The following DOK4 variants were observed in gnomAD, a reference collection of about 807,000 sequenced individuals.
DOK4 encodes docking protein 4.
DOK4 carries 26 observed loss-of-function variants against 40.1 expected under a neutral mutation model. The ratio of observed to expected loss-of-function variants is 0.65; its 90% confidence interval spans 0.48 to 0.90. The LOEUF is 0.90. Among genes scored for constraint, DOK4 ranks in the 40% least tolerant of loss-of-function variants. DOK4 has a pLI of 0.00. For synonymous variants in DOK4, 179 were observed against 177.0 expected (o/e 1.01, Z -0.09); for missense variants, 392 against 437.2 (o/e 0.90, Z 0.92).
rs770995980 is a variant in DOK4 at position 57,475,093 on chromosome 16, G to T, written c.409+7C>A. ...TCCCCACCCCCAGGGCCAGGGCCCG[G>T]CCTCACCTGTCTGTTCACACTGCAC... On this transcript the variant is annotated splice_region_variant and intron_variant, in intron 5 of 8. Transcript: ENST00000340099. 2 of 1,612,752 alleles carry T rather than the reference G, an allele frequency of 1.2e-6. No homozygotes were observed. The highest frequency in any genetic ancestry group is 2.7e-5 in the African/African-American group (2 of 74,748).
intron 1 of DOK4, among the ~76,000 whole-genome samples, chr16:57,484,857 C>T (rs2031504584): frequency 1.3e-5 from 2 of 152,250 alleles, no homozygotes; most frequent in South Asian, 4.1e-4. Context: ...CTTGTTCTTA[C>T]ATCTGTCCAT....
intron 6 of DOK4, 90 bp downstream of exon 6, chr16:57,474,703 C>T: frequency 6.7e-7 from 1 of 1,490,360 alleles, no homozygotes; most frequent in Non-Finnish European, 9.1e-7. Flanking sequence ...AATAAGTAAA[C>T]CAAGCTCCTA....
intron 2 of DOK4, among the ~76,000 whole-genome samples, chr16:57,477,340 C>A (rs2031225803): frequency 6.6e-6 from 1 of 152,250 alleles, no homozygotes; most frequent in African/African-American, 2.4e-5. Context: ...CCCACCTAAA[C>A]CACAGCAGCC....
chr16:57,475,263 G>C (rs2031097503), intron 4 of DOK4, 44 bp from the exon 5 acceptor site: 1 of 1,592,134 alleles, frequency 6.3e-7, no homozygotes, highest in African/African-American at 1.3e-5. Flanking sequence ...GAGCCCGGTA[G>C]CCCACCCCGT....
intron 1 of DOK4, among the ~76,000 whole-genome samples, chr16:57,482,442 T>G (rs1020133455): frequency 7.3e-6 from 1 of 136,624 alleles, no homozygotes; most frequent in Non-Finnish European, 1.6e-5. Flanking sequence ...TCTCGGCTCA[T>G]TGCAAGCTCC....
rs749513705 is a variant in DOK4 at position 57,479,426 on chromosome 16, G to C, written c.66+16C>G. The stretch of plus-strand genomic sequence containing the variant: ...CATCCCTTGGCAGGGCCCCTCCGCA[G>C]CTCAGGGTCACTCACCCCGAGCTTC... On this transcript the variant is annotated intron_variant, in intron 2 of 8. Transcript: ENST00000340099. The surrounding 1 kb of genome is among the most constrained non-coding windows in gnomAD (Gnocchi z 5.8). 6.2e-7 allele frequency: 1 copy of C among 1,613,084 alleles called. No homozygotes were observed. Among genetic ancestry groups the C allele is most frequent in the Non-Finnish European group, 8.5e-7 (1 of 1,179,788 alleles).
rs770696453 is a variant in DOK4, at chr16:57,485,632, G to A, written c.-182+673C>T. Among the ~76,000 whole-genome samples the A allele has an allele frequency of 1.8e-4, 27 of 152,210 alleles. No homozygotes were observed. The highest frequency in any genetic ancestry group is 3.4e-4 in the Non-Finnish European group (23 of 68,040). On this transcript the variant is annotated intron_variant, in intron 1 of 8. Transcript: ENST00000340099. The surrounding 1 kb of genome is among the most constrained non-coding windows in gnomAD (Gnocchi z 4.3). ...CCCCATGGCTTGGGGCAGGCAGGCT[G>A]CACAGAGCCCCTGCTCTGCCACATC...
At position 57,485,495 on chromosome 16, in the gene DOK4, T is replaced by C. The variant is rs1421610229; in HGVS notation, c.-182+810A>G. ...TGCCCTAAGCAAGCCCACCTCACAC[T>C]GCCCAAGTGGAGTCTCCTAGAGATA... On this transcript the variant is annotated intron_variant, in intron 1 of 8. Transcript: ENST00000340099. The surrounding 1 kb of genome is among the most constrained non-coding windows in gnomAD (Gnocchi z 4.3). Among the ~76,000 whole-genome samples, 4 of 152,136 alleles carry C rather than the reference T, an allele frequency of 2.6e-5. No individual in the cohort carries two copies.
chr16:57,473,175 G>C lies in DOK4; in HGVS notation c.*202C>G, dbSNP rs1385302910. On this transcript the variant is annotated 3_prime_UTR_variant, in exon 9 of 9. Transcript: ENST00000340099. Reference sequence around the variant, plus strand: ...ATTAACAGTATATAGTCCCACGGTAGCTCCAACCCCTCACACATGCTCAGG... The same window carrying C: ...ATTAACAGTATATAGTCCCACGGTACCTCCAACCCCTCACACATGCTCAGG... 168 of 676,854 alleles carry C rather than the reference G, an allele frequency of 2.5e-4. 1 individual carries two copies. The highest frequency in any genetic ancestry group is 2.4e-5 in the Non-Finnish European group (10 of 409,156). The allele number at this position is 676,854 out of a possible 1,614,324, so 41.9% of individuals were successfully genotyped here.
At chr16:57,486,755 C>T (rs538797098), upstream of DOK4, among the ~76,000 whole-genome samples, 4 of 150,852 alleles carry the variant, frequency 2.7e-5, no homozygotes, top group African/African-American at 7.4e-5. Context: ...ATCTCAACCC[C>T]TTCACTTCTT....
chr16:57,482,619 G>C (rs893104611), intron 1 of DOK4, among the ~76,000 whole-genome samples: 2 of 151,790 alleles, frequency 1.3e-5, no homozygotes, highest in African/African-American at 4.8e-5. Flanking sequence ...CACCCGCCTC[G>C]GCCTTCCAAC....
intron 8 of DOK4, 40 bp downstream of exon 8, chr16:57,473,573 G>C (rs2030982397): frequency 1.2e-6 from 2 of 1,614,118 alleles, no homozygotes; most frequent in African/African-American, 2.7e-5. Context: ...CCTCCACAAA[G>C]CCTCCTGGCA....
At chr16:57,483,715 C>T (rs1447087211) in intron 1 of DOK4, among the ~76,000 whole-genome samples, 2 of 152,110 alleles carry the variant, frequency 1.3e-5, no homozygotes, top group Non-Finnish European at 2.9e-5. Context: ...TTGAAGTAGC[C>T]CCTGCCCTGT....
chr16:57,473,208 G>T, exon 9 of DOK4: 1 of 1,007,532 alleles, frequency 9.9e-7, no homozygotes, highest in Non-Finnish European at 1.4e-6. Flanking sequence ...AGGTGGTGTG[G>T]CCAGCCCTTT....
intron 2 of DOK4, 29 bp from the exon 3 acceptor site, chr16:57,475,986 C>A (rs1347622449): frequency 6.3e-7 from 1 of 1,574,980 alleles, no homozygotes; most frequent in Non-Finnish European, 8.7e-7. Context: ...GGGCTCAGGC[C>A]TCCCTGGACC....
intron 4 of DOK4, 95 bp from the exon 5 acceptor site, chr16:57,475,314 G>T (rs999959480): frequency 2.8e-5 from 44 of 1,547,062 alleles, no homozygotes; most frequent in Non-Finnish European, 3.6e-5. Flanking sequence ...AGCAGGGAGG[G>T]TAAGGACAGT....
upstream of DOK4, among the ~76,000 whole-genome samples, chr16:57,486,920 G>A (rs1357063033): frequency 6.6e-6 from 1 of 151,922 alleles, no homozygotes; most frequent in South Asian, 2.1e-4. Flanking sequence ...GCCCCACAGT[G>A]ACCTCCTCTG....
chr16:57,474,948 G>C (rs1418456667), exon 6 of DOK4: 13 of 1,613,130 alleles, frequency 8.1e-6, no homozygotes, highest in Non-Finnish European at 1.0e-5. Context: ...ACACGTCCAG[G>C]TTGGGGCAGG....
chr16:57,475,055 T>C (rs368624550), intron 5 of DOK4, 45 bp downstream of exon 5: 39 of 1,587,440 alleles, frequency 2.5e-5, no homozygotes, highest in Non-Finnish European at 3.1e-5. Context: ...CCTTCCTCTC[T>C]TCCTCCTCCC....
Sources: allele counts gnomAD v4.1 joint callset (sites outside exome capture counted in the v4.1 genomes callset), GRCh38; gene constraint gnomAD v4.1.1; non-coding constraint Gnocchi (gnomAD v3.1); transcripts MANE v1.5; gene names NCBI Gene and HGNC (gene_info 2026-07-23, HGNC 2026-07-21).